The following RFTN1 variants were observed in gnomAD, a reference collection of about 807,000 sequenced individuals.
RFTN1 encodes the protein raftlin.
In RFTN1, 26 loss-of-function variants were observed where a neutral mutation model predicts 46.5. That is an observed-to-expected ratio of 0.56 (90% CI 0.41 to 0.78). RFTN1 has a LOEUF of 0.78. Ranked by LOEUF, RFTN1 falls within the 30% of genes least tolerant of loss-of-function variation. The pLI, the probability that RFTN1 is intolerant of heterozygous loss-of-function variation, is 0.00. For missense variants in RFTN1, 693 were observed against 718.7 expected (o/e 0.96, Z 0.41); for synonymous variants, 261 against 284.2 (o/e 0.92, Z 0.82).
Position 16,338,449 on chromosome 3 carries a change from G to A in RFTN1, c.1147-11573C>T, listed in dbSNP as rs1369595960. On this transcript the variant is annotated intron_variant, in intron 7 of 9. Coordinates refer to ENST00000334133, the MANE Select transcript of RFTN1 (RefSeq NM_015150.2). This position sits in a 1 kb window ranked among gnomAD's most constrained non-coding sequence, Gnocchi z 5.3. Reference sequence around the variant, plus strand: ...TGCCACATCCTGTCAGCTGCTCATCGGGACCACGTATGCAATAGCACAGGG... The same window carrying A: ...TGCCACATCCTGTCAGCTGCTCATCAGGACCACGTATGCAATAGCACAGGG... 2.0e-5 allele frequency among the ~76,000 whole-genome samples: 3 copies of A among 152,232 alleles called. No individual in the cohort carries two copies. The highest frequency in any genetic ancestry group is 3.8e-4 in the East Asian group (2 of 5,198).
chr3:16,368,694 T>G (rs2073355920), intron 6 of RFTN1, among the ~76,000 whole-genome samples: 1 of 149,282 alleles, frequency 6.7e-6, no homozygotes, highest in Non-Finnish European at 1.5e-5. Context: ...AAAAAAGGCA[T>G]GTATATTCTA....
In RFTN1 at chr3:16,459,556, G is replaced by C. The variant is rs1387866411; in HGVS notation, c.146-25519C>G. ...TACAGTGAGCTGTGATCGTGCCACT[G>C]CACTCAGCCTGGGTGACAGAGTGAG... On this transcript the variant is annotated intron_variant, in intron 2 of 9. Transcript: ENST00000334133. This position sits in a 1 kb window ranked among gnomAD's most constrained non-coding sequence, Gnocchi z 4.2. Among the ~76,000 whole-genome samples the C allele has an allele frequency of 2.0e-5, 3 of 152,120 alleles. No homozygotes were observed. Among genetic ancestry groups the C allele is most frequent in the African/African-American group, 7.2e-5 (3 of 41,428 alleles).
chr3:16,341,187 ACT>A lies in RFTN1; in HGVS notation c.1147-14313_1147-14312del, dbSNP rs1559837653. 6.6e-6 allele frequency among the ~76,000 whole-genome samples: 1 copy of A among 152,156 alleles called. No homozygotes were observed. The highest frequency in any genetic ancestry group is 1.5e-5 in the Non-Finnish European group (1 of 68,028). ...CCGGTGAGGATGTGGAACAACAGCA[ACT>A]CTCGTTCACTGTGGTGGGGACGCAA... On this transcript the variant is annotated intron_variant, in intron 7 of 9. Transcript: ENST00000334133. The surrounding 1 kb of genome is among the most constrained non-coding windows in gnomAD (Gnocchi z 4.7).
At chr3:16,496,373 G>A (rs574752160) in intron 1 of RFTN1, among the ~76,000 whole-genome samples, 49 of 152,302 alleles carry the variant, frequency 3.2e-4, no homozygotes, top group Non-Finnish European at 5.1e-4. Context: ...ATCAAAGAGC[G>A]CCTAACAAAT....
At chr3:16,486,383 C>T (rs916911250) in intron 2 of RFTN1, among the ~76,000 whole-genome samples, 1 of 152,194 alleles carries the variant, frequency 6.6e-6, no homozygotes, top group Non-Finnish European at 1.5e-5. Context: ...GACTCCTCAG[C>T]CCAACACCTA....
At chr3:16,404,674 G>A (rs563926570) in intron 4 of RFTN1, among the ~76,000 whole-genome samples, 27 of 151,902 alleles carry the variant, frequency 1.8e-4, no homozygotes, top group Non-Finnish European at 2.9e-4. Flanking sequence ...TGCCAGCAAC[G>A]GCACAGAGCT....
At position 16,317,230 on chromosome 3, in the gene RFTN1, A is replaced by G. The variant is rs2068505009; in HGVS notation, c.1335T>C (p.Phe445=). ...PQKIKKKESK[F]QWRFSREEMH... ...TTTCTTCTCTGGAGAATCGCCACTG[A>G]AACTAGAAATCAGAAAGGATGGGGA... is the stretch of plus-strand genomic sequence containing the variant. The change falls in exon 10 of 10, where the codon TTT becomes TTC. Residue 445 remains phenylalanine (F), a splice_region_variant and synonymous_variant. Coordinates refer to ENST00000334133, the MANE Select transcript of RFTN1 (RefSeq NM_015150.2). This position sits in a 1 kb window ranked among gnomAD's most constrained non-coding sequence, Gnocchi z 4.3. 3 of 1,611,736 alleles carry G rather than the reference A, an allele frequency of 1.9e-6. No individual in the cohort carries two copies. The highest frequency in any genetic ancestry group is 2.5e-6 in the Non-Finnish European group (3 of 1,179,944).
intron 2 of RFTN1, among the ~76,000 whole-genome samples, chr3:16,476,887 C>A (rs1414814705): frequency 6.6e-6 from 1 of 152,170 alleles, no homozygotes; most frequent in African/African-American, 2.4e-5. Context: ...AAATGAATTA[C>A]ATCCCCCTGG....
intron 2 of RFTN1, among the ~76,000 whole-genome samples, chr3:16,439,175 A>G (rs1323013965): frequency 2.0e-5 from 3 of 152,224 alleles, no homozygotes; most frequent in Non-Finnish European, 4.4e-5. Flanking sequence ...AAACATGATT[A>G]AAGGCCTTAA....
chr3:16,361,219 G>C lies in RFTN1; in HGVS notation c.1031-3172C>G, dbSNP rs970838096. ...TAGAGGAGTCTAAAAATGGCATATAGGGCCTCAGAAGGGTGAGTGACATGT... is the reference window on the plus strand; with the variant it reads ...TAGAGGAGTCTAAAAATGGCATATACGGCCTCAGAAGGGTGAGTGACATGT... On this transcript the variant is annotated intron_variant, in intron 6 of 9. Coordinates refer to ENST00000334133, the MANE Select transcript of RFTN1 (RefSeq NM_015150.2). This position sits in a 1 kb window ranked among gnomAD's most constrained non-coding sequence, Gnocchi z 4.3. Among the ~76,000 whole-genome samples, 7 of 152,090 alleles carry C rather than the reference G, an allele frequency of 4.6e-5. No homozygotes were observed. The highest frequency in any genetic ancestry group is 1.7e-4 in the African/African-American group (7 of 41,404).
chr3:16,432,426 G>A (rs2075406986), intron 3 of RFTN1, among the ~76,000 whole-genome samples: 1 of 152,208 alleles, frequency 6.6e-6, no homozygotes, highest in Non-Finnish European at 1.5e-5. Flanking sequence ...GCTGAGGTGG[G>A]AGGATGGCTT....
intron 8 of RFTN1, among the ~76,000 whole-genome samples, chr3:16,324,646 T>TTGTGTGTGTGTGTGTGTGTG (rs71632869): frequency 4.0e-4 from 40 of 100,466 alleles, no homozygotes; most frequent in Non-Finnish European, 6.5e-4. Context: ...TAGTATTCCA[T>TTGTGTGTGTGTGTGTGTGTG]TGTGTGTGTG....
At position 16,327,576 on chromosome 3, in the gene RFTN1, A is replaced by G. The variant is rs1382969832; in HGVS notation, c.1147-700T>C. On this transcript the variant is annotated intron_variant, in intron 7 of 9. Coordinates refer to ENST00000334133, the MANE Select transcript of RFTN1 (RefSeq NM_015150.2). The surrounding 1 kb of genome is among the most constrained non-coding windows in gnomAD (Gnocchi z 4.2). Reference sequence around the variant, plus strand: ...AGATCAAGACCATCCTGGCTAACACAGTGAAACCCCGTCTCTACTAAAAAT... The same window carrying G: ...AGATCAAGACCATCCTGGCTAACACGGTGAAACCCCGTCTCTACTAAAAAT... Among the ~76,000 whole-genome samples the G allele has an allele frequency of 6.6e-6, 1 of 151,950 alleles. No individual in the cohort carries two copies. The highest frequency in any genetic ancestry group is 1.5e-5 in the Non-Finnish European group (1 of 67,968).
rs1237483817 is a variant in RFTN1 at position 16,427,632 on chromosome 3, C to A, written c.332+6219G>T. ...TGAAGCAGCTCACCGTAACTCTCAA[C>A]AACCCACTGCATCTCTTCTAAGAAT... On this transcript the variant is annotated intron_variant, in intron 3 of 9. Transcript: ENST00000334133. This position sits in a 1 kb window ranked among gnomAD's most constrained non-coding sequence, Gnocchi z 5.4. Among the ~76,000 whole-genome samples, 4 of 152,224 alleles carry A rather than the reference C, an allele frequency of 2.6e-5. No individual in the cohort carries two copies. The highest frequency in any genetic ancestry group is 9.6e-5 in the African/African-American group (4 of 41,468).
At chr3:16,511,427 A>G (rs888713537) in intron 1 of RFTN1, among the ~76,000 whole-genome samples, 8 of 152,220 alleles carry the variant, frequency 5.3e-5, no homozygotes, top group African/African-American at 1.9e-4. Flanking sequence ...GGACACAGGG[A>G]TGGCTGGATG....
At chr3:16,409,684 A>T (rs2074942021) in intron 3 of RFTN1, among the ~76,000 whole-genome samples, 1 of 122,516 alleles carries the variant, frequency 8.2e-6, no homozygotes. Context: ...CACCCGGCTA[A>T]TTTTTTTTTT....
rs530571937 is a variant in RFTN1 at position 16,378,687 on chromosome 3, G to C, written c.442-585C>G. On this transcript the variant is annotated intron_variant, in intron 4 of 9. Coordinates refer to ENST00000334133, the MANE Select transcript of RFTN1 (RefSeq NM_015150.2). ...AAATCCTCCCTGAGAGGTATCATCT[G>C]ATGGACACCTTGCTCCCTGGTGCTC... is the stretch of plus-strand genomic sequence containing the variant. Among the ~76,000 whole-genome samples the C allele has an allele frequency of 6.7e-4, 102 of 152,312 alleles. 1 individual carries two copies. Among genetic ancestry groups the C allele is most frequent in the African/African-American group, 2.4e-3 (99 of 41,572 alleles).
chr3:16,479,474 T>A lies in RFTN1; in HGVS notation c.145+14251A>T, dbSNP rs549381127. Among the ~76,000 whole-genome samples, 1 of 152,090 alleles carries A rather than the reference T, an allele frequency of 6.6e-6. No homozygotes were observed. Among genetic ancestry groups the A allele is most frequent in the Non-Finnish European group, 1.5e-5 (1 of 68,020 alleles). On this transcript the variant is annotated intron_variant, in intron 2 of 9. Transcript: ENST00000334133. The surrounding 1 kb of genome is among the most constrained non-coding windows in gnomAD (Gnocchi z 5.1). ...CCAGTCTGAGGGATATGGAAGGCAA[T>A]CCAGAAAAACCTCAACATCCTTCTC...
intron 8 of RFTN1, among the ~76,000 whole-genome samples, chr3:16,325,513 C>CA (rs1295694756): frequency 6.6e-6 from 1 of 152,182 alleles, no homozygotes; most frequent in African/African-American, 2.4e-5. Context: ...GAAACTGACT[C>CA]AGAGAAGCTA....
Sources: allele counts gnomAD v4.1 joint callset (sites outside exome capture counted in the v4.1 genomes callset), GRCh38; gene constraint gnomAD v4.1.1; non-coding constraint Gnocchi (gnomAD v3.1); transcripts MANE v1.5; gene names NCBI Gene and HGNC (gene_info 2026-07-23, HGNC 2026-07-21).